Variants in CUBN observed in about 807,000 individuals in gnomAD.
CUBN encodes the protein cubilin.
In CUBN, 282 loss-of-function variants were observed where a neutral mutation model predicts 405.3. The observed-to-expected ratio is 0.70, with a 90% CI of 0.63 to 0.77. CUBN has a LOEUF of 0.77. Ranked by LOEUF, CUBN falls within the 30% of genes least tolerant of loss-of-function variation. The pLI, the probability that CUBN is intolerant of heterozygous loss-of-function variation, is 0.00. For missense variants in CUBN, 4,514 were observed against 4,475.2 expected (o/e 1.01, Z -0.25); for synonymous variants, 1,684 against 1,617.0 (o/e 1.04, Z -0.99).
intron 28 of CUBN, among the ~76,000 whole-genome samples, chr10:17,012,768 A>C (rs1264118816): frequency 6.6e-6 from 1 of 152,232 alleles, no homozygotes; most frequent in Non-Finnish European, 1.5e-5. Context: ...AACAACTTGC[A>C]CATTTGAGCA....
intron 27 of CUBN, among the ~76,000 whole-genome samples, chr10:17,034,970 T>C (rs1432472021): frequency 2.6e-5 from 4 of 151,492 alleles, no homozygotes; most frequent in Non-Finnish European, 4.4e-5. Context: ...ACCAAGACAA[T>C]AGGAGACAGT....
chr10:16,932,860 T>C (rs1462498484), intron 40 of CUBN, among the ~76,000 whole-genome samples: 2 of 152,236 alleles, frequency 1.3e-5, no homozygotes, highest in African/African-American at 4.8e-5. Flanking sequence ...AAAAAGCCTT[T>C]TTTCCTTATA....
chr10:16,943,046 T>A (rs200728439), intron 36 of CUBN, among the ~76,000 whole-genome samples: 1 of 152,204 alleles, frequency 6.6e-6, no homozygotes, highest in African/African-American at 2.4e-5. Context: ...TGGAGGAGAA[T>A]AGTTAGAGAT....
At chr10:16,827,944 G>C (rs755201562) in intron 66 of CUBN, among the ~76,000 whole-genome samples, 7 of 152,198 alleles carry the variant, frequency 4.6e-5, no homozygotes, top group Non-Finnish European at 7.3e-5. Context: ...AAGCACAGAT[G>C]CCTGCAATAT....
chr10:17,011,315 G>A (rs761272399), intron 28 of CUBN, among the ~76,000 whole-genome samples: 4 of 152,164 alleles, frequency 2.6e-5, no homozygotes, highest in Non-Finnish European at 5.9e-5. Context: ...CAGATGTTCA[G>A]ATGTGTCCGC....
intron 17 of CUBN, among the ~76,000 whole-genome samples, chr10:17,077,453 C>T (rs1269672863): frequency 6.6e-6 from 1 of 152,106 alleles, no homozygotes. Context: ...GAGTCAAGTC[C>T]CAAAGCCATG....
chr10:17,015,316 A>G (rs1834298847), intron 28 of CUBN, among the ~76,000 whole-genome samples: 1 of 152,180 alleles, frequency 6.6e-6, no homozygotes, highest in Non-Finnish European at 1.5e-5. Context: ...CAAGTAGGGG[A>G]AAACAAATGG....
At chr10:17,075,298 G>T (rs1055803044) in intron 17 of CUBN, among the ~76,000 whole-genome samples, 2 of 151,782 alleles carry the variant, frequency 1.3e-5, no homozygotes, top group Admixed American at 1.3e-4. Flanking sequence ...TGGCCAGGCT[G>T]GTCTTGAACT....
chr10:17,087,289 T>C (rs994885319), intron 15 of CUBN, among the ~76,000 whole-genome samples: 1 of 152,074 alleles, frequency 6.6e-6, no homozygotes, highest in African/African-American at 2.4e-5. Context: ...GCAACACTTT[T>C]TGATGCACCT....
chr10:17,073,830 C>T (rs1367648339), intron 17 of CUBN, among the ~76,000 whole-genome samples: 1 of 152,180 alleles, frequency 6.6e-6, no homozygotes, highest in Non-Finnish European at 1.5e-5. Flanking sequence ...TTACAAACCA[C>T]CTCACTTAAT....
chr10:16,952,927 G>A (rs984122062), intron 32 of CUBN, among the ~76,000 whole-genome samples: 2 of 152,164 alleles, frequency 1.3e-5, no homozygotes, highest in African/African-American at 4.8e-5. Flanking sequence ...AGAAAAGGGA[G>A]GCCAGGGAGG....
rs1801240 is a variant in CUBN, at chr10:16,876,998, T to C, written c.9005A>G (p.Glu3002Gly). Reference protein sequence around the residue: ...STPFATVCGDEMPAPLTIAGP... With the variant: ...STPFATVCGDGMPAPLTIAGP... ...AGCGATGGTGAGGGGAGCTGGCATCTCATCCCCACACACAGTAGCAAATGG... is the reference window on the plus strand; with the variant it reads ...AGCGATGGTGAGGGGAGCTGGCATCCCATCCCCACACACAGTAGCAAATGG... Residue 3002 changes from glutamate to glycine, a missense_variant, in exon 57 of 67, where the codon GAG (glutamate) becomes GGG (glycine). Glu to Gly is a moderately conservative substitution (Grantham distance 98). Coordinates refer to ENST00000377833, the MANE Select transcript of CUBN (RefSeq NM_001081.4). 173,364 of 1,613,950 alleles carry C rather than the reference T, an allele frequency of 0.11. 10,219 individuals carry two copies. Among genetic ancestry groups the C allele is most frequent in the African/African-American group, 0.21 (15,581 of 74,982 alleles).
intron 26 of CUBN, among the ~76,000 whole-genome samples, chr10:17,042,172 T>G (rs894169372): frequency 6.6e-6 from 1 of 152,216 alleles, no homozygotes; most frequent in African/African-American, 2.4e-5. Context: ...AATATTGCTT[T>G]GTTGGAGCAG....
intron 60 of CUBN, among the ~76,000 whole-genome samples, chr10:16,849,808 C>A (rs1839629816): frequency 6.6e-6 from 1 of 152,190 alleles, no homozygotes; most frequent in Non-Finnish European, 1.5e-5. Context: ...CCAGTTCCCA[C>A]AGCTGCTGAT....
At position 16,937,716 on chromosome 10, in the gene CUBN, G is replaced by A; in HGVS notation, c.5802C>T (p.Phe1934=). The part of the protein sequence containing the change: ...GAYCGTQTES[F]SSTGNSLTFH... ...ATGTCAAAGAATTTCCAGTGGAGCT[G>A]AAAGATTCAGTCTGGGTACCACAGT... is the stretch of plus-strand genomic sequence containing the variant. The change falls in exon 39 of 67, where the codon TTC becomes TTT. Residue 1934 remains phenylalanine, a synonymous_variant. Coordinates refer to ENST00000377833, the MANE Select transcript of CUBN (RefSeq NM_001081.4). 6.2e-7 allele frequency: 1 copy of A among 1,614,096 alleles called. No individual in the cohort carries two copies. The highest frequency in any genetic ancestry group is 8.5e-7 in the Non-Finnish European group (1 of 1,179,976).
intron 22 of CUBN, among the ~76,000 whole-genome samples, chr10:17,061,602 T>TA (rs1835505591): frequency 6.6e-6 from 1 of 152,140 alleles, no homozygotes; most frequent in African/African-American, 2.4e-5. Context: ...GGATCACTGA[T>TA]AAAAAACAGC....
intron 17 of CUBN, among the ~76,000 whole-genome samples, chr10:17,074,093 C>A (rs1588625769): frequency 6.6e-6 from 1 of 152,288 alleles, no homozygotes; most frequent in East Asian, 1.9e-4. Flanking sequence ...AATATTAATT[C>A]ATTCACTTCA....
In CUBN at chr10:17,084,375, G is replaced by C. The variant is rs771391097; in HGVS notation, c.2197C>G (p.Gln733Glu). ...ELSGPFTHTRQCVYMMKQPQG... is the reference protein window; with the variant it reads ...ELSGPFTHTRECVYMMKQPQG... ...GGCTGCTTCATCATATAGACGCATTGCCTGGTGTGAGTGAAAGGCCCAGAC... is the reference window on the plus strand; with the variant it reads ...GGCTGCTTCATCATATAGACGCATTCCCTGGTGTGAGTGAAAGGCCCAGAC... The change falls in exon 17 of 67, where the codon CAA (glutamine) becomes GAA (glutamate). Residue 733 changes from glutamine (Q) to glutamate (E), a missense_variant. Physicochemically the swap from Gln to Glu is conservative, Grantham distance 29. Transcript: ENST00000377833. 2 of 1,614,026 alleles carry C rather than the reference G, an allele frequency of 1.2e-6. No individual in the cohort carries two copies. Among genetic ancestry groups the C allele is most frequent in the Non-Finnish European group, 1.7e-6 (2 of 1,180,038 alleles).
At chr10:17,035,464 T>C (rs1157506043) in intron 27 of CUBN, among the ~76,000 whole-genome samples, 1 of 152,154 alleles carries the variant, frequency 6.6e-6, no homozygotes, top group African/African-American at 2.4e-5. Flanking sequence ...TAGTTTGATT[T>C]TGAAACTGGA....
Sources: allele counts gnomAD v4.1 joint callset (sites outside exome capture counted in the v4.1 genomes callset), GRCh38; gene constraint gnomAD v4.1.1; transcripts MANE v1.5; gene names NCBI Gene and HGNC (gene_info 2026-07-23, HGNC 2026-07-21).